The following GALK2 variants were observed in gnomAD, a reference collection of about 807,000 sequenced individuals.
GALK2 encodes galactokinase 2.
GALK2 carries 36 observed loss-of-function variants against 52.4 expected under a neutral mutation model. The ratio of observed to expected loss-of-function variants is 0.69; its 90% CI spans 0.53 to 0.91. The LOEUF is 0.91. GALK2 is among the 40% of genes least tolerant of loss of function. The pLI is 0.00. For synonymous variants in GALK2, 176 were observed against 199.1 expected (o/e 0.88, Z 0.98); for missense variants, 579 against 559.1 (o/e 1.04, Z -0.36).
At chr15:49,281,081 C>T (rs1409182136) in intron 5 of GALK2, among the ~76,000 whole-genome samples, 1 of 152,216 alleles carries the variant, frequency 6.6e-6, no homozygotes, top group Non-Finnish European at 1.5e-5. Flanking sequence ...GTGATCCGCC[C>T]ACCTCGGCCT....
intron 5 of GALK2, 46 bp from the exon 6 acceptor site, chr15:49,281,941 A>G (rs746508248): frequency 7.3e-7 from 1 of 1,362,678 alleles, no homozygotes; most frequent in South Asian, 1.2e-5. Flanking sequence ...TGAATGAGAA[A>G]TGGGTTATGA....
At chr15:49,291,890 TA>T (rs1195958346) in intron 7 of GALK2, among the ~76,000 whole-genome samples, 1 of 152,204 alleles carries the variant, frequency 6.6e-6, no homozygotes, top group Non-Finnish European at 1.5e-5. Context: ...GGAAGTACCC[TA>T]ATTGGATGTA....
At chr15:49,262,566 C>A (rs2092168286) in intron 5 of GALK2, among the ~76,000 whole-genome samples, 1 of 152,160 alleles carries the variant, frequency 6.6e-6, no homozygotes, top group South Asian at 2.1e-4. Flanking sequence ...GTCTCCATTT[C>A]CTTCAGTTCT....
rs2090983943 is a variant in GALK2 at position 49,239,332 on chromosome 15, G to A, written c.469G>A (p.Val157Met). The change falls in exon 5 of 10, where the codon GTG becomes ATG. Residue 157 changes from valine to methionine, a missense_variant. Transcript: ENST00000560031. ...SSALVCCAGL[V>M]TLTVLGRNLS... Reference sequence around the variant, plus strand: ...TGCTTTGGTCTGTTGTGCTGGCTTGGTGACGCTCACAGTGCTGGGAAGGAA... The same window carrying A: ...TGCTTTGGTCTGTTGTGCTGGCTTGATGACGCTCACAGTGCTGGGAAGGAA... The A allele has an allele frequency of 1.9e-6, 3 of 1,613,984 alleles. No homozygotes were observed. The highest frequency in any genetic ancestry group is 1.1e-5 in the South Asian group (1 of 91,084).
At chr15:49,246,877 A>G (rs1218327529) in intron 5 of GALK2, among the ~76,000 whole-genome samples, 1 of 152,222 alleles carries the variant, frequency 6.6e-6, no homozygotes, top group Non-Finnish European at 1.5e-5. Flanking sequence ...ACTATATGCC[A>G]TGCGTTGTTC....
At chr15:49,178,845 A>G (rs1050552795) in intron 1 of GALK2, 3 of 172,898 alleles carry the variant, frequency 1.7e-5, no homozygotes, top group African/African-American at 7.2e-5. Context: ...TCTGAGTGCT[A>G]TTACGGTTGT....
chr15:49,267,500 C>G (rs148318533), intron 5 of GALK2, among the ~76,000 whole-genome samples: 12 of 152,304 alleles, frequency 7.9e-5, no homozygotes, highest in African/African-American at 2.9e-4. Context: ...TCCAGAGTCT[C>G]AGTCCAATGG....
At chr15:49,291,399 C>T (rs908281041) in intron 7 of GALK2, among the ~76,000 whole-genome samples, 5 of 152,150 alleles carry the variant, frequency 3.3e-5, no homozygotes, top group African/African-American at 4.8e-5. Flanking sequence ...GTAAACCCCG[C>T]TTCCTGTCAA....
chr15:49,316,753 AG>A (rs1415373841), intron 8 of GALK2, among the ~76,000 whole-genome samples: 1 of 152,196 alleles, frequency 6.6e-6, no homozygotes, highest in Non-Finnish European at 1.5e-5. Context: ...CCAGGAGGAG[AG>A]AAAGTCATGT....
intron 1 of GALK2, among the ~76,000 whole-genome samples, chr15:49,186,939 C>T (rs978640943): frequency 3.3e-5 from 5 of 152,164 alleles, no homozygotes; most frequent in Admixed American, 1.3e-4. Flanking sequence ...ACTGGTGCCT[C>T]ATTTAGTTGA....
intron 5 of GALK2, among the ~76,000 whole-genome samples, chr15:49,276,193 C>T (rs1185190516): frequency 2.0e-5 from 3 of 152,156 alleles, no homozygotes; most frequent in African/African-American, 7.2e-5. Context: ...GTTTGGAAGT[C>T]CCTGGGTTTC....
At chr15:49,205,246 T>G (rs974591854) in intron 2 of GALK2, among the ~76,000 whole-genome samples, 2 of 152,172 alleles carry the variant, frequency 1.3e-5, no homozygotes, top group African/African-American at 4.8e-5. Flanking sequence ...TAGATACCCA[T>G]TAGTGGGATT....
chr15:49,268,175 T>C (rs1444352959), intron 5 of GALK2, among the ~76,000 whole-genome samples: 2 of 152,188 alleles, frequency 1.3e-5, no homozygotes, highest in East Asian at 3.8e-4. Flanking sequence ...CCTCCCCTCA[T>C]GGAGCTTAGA....
intron 3 of GALK2, among the ~76,000 whole-genome samples, chr15:49,354,335 C>T (rs1019132160): frequency 1.7e-4 from 26 of 152,150 alleles, no homozygotes; most frequent in Non-Finnish European, 2.4e-4. Flanking sequence ...TCTGAGGTAC[C>T]GGGTTCATCT....
At chr15:49,192,551 T>C (rs1439610002) in intron 1 of GALK2, among the ~76,000 whole-genome samples, 1 of 139,282 alleles carries the variant, frequency 7.2e-6, no homozygotes, top group Non-Finnish European at 1.5e-5. Flanking sequence ...TCAGGGCAAA[T>C]TCTTAGATAG....
intron 8 of GALK2, among the ~76,000 whole-genome samples, chr15:49,294,689 A>G (rs949616704): frequency 6.6e-6 from 1 of 152,200 alleles, no homozygotes; most frequent in Non-Finnish European, 1.5e-5. Context: ...ATAGTGACTT[A>G]GTGTCTAATT....
chr15:49,226,097 G>A (rs538375990), intron 3 of GALK2, among the ~76,000 whole-genome samples: 4 of 152,188 alleles, frequency 2.6e-5, no homozygotes, highest in Non-Finnish European at 5.9e-5. Context: ...GAGCGTTGGG[G>A]GATGGGCACC....
At chr15:49,335,626 C>G (rs954170305), downstream of GALK2, 4 of 582,732 alleles carry the variant, frequency 6.9e-6, no homozygotes, top group Admixed American at 1.2e-4. Context: ...CAAGTATAAA[C>G]ATGAATATTA....
chr15:49,221,793 T>C (rs959836000), intron 3 of GALK2, among the ~76,000 whole-genome samples: 1 of 152,202 alleles, frequency 6.6e-6, no homozygotes, highest in African/African-American at 2.4e-5. Flanking sequence ...ACCTTGCTGT[T>C]TGGGTTTTTA....
Sources: allele counts gnomAD v4.1 joint callset (sites outside exome capture counted in the v4.1 genomes callset), GRCh38; gene constraint gnomAD v4.1.1; transcripts MANE v1.5; gene names NCBI Gene and HGNC (gene_info 2026-07-23, HGNC 2026-07-21).